Variants in CLEC17A observed in about 807,000 individuals in gnomAD.
The protein encoded by CLEC17A is C-type lectin domain family 17, member A.
A neutral mutation model predicts 61.3 loss-of-function variants in CLEC17A; 37 were observed. The ratio of observed to expected loss-of-function variants is 0.60; its 90% CI spans 0.46 to 0.79. CLEC17A has a LOEUF of 0.79. CLEC17A is among the 30% of genes least tolerant of loss of function. CLEC17A has a pLI of 0.00. For missense variants in CLEC17A, 418 were observed against 464.7 expected (o/e 0.90, Z 0.92); for synonymous variants, 168 against 164.9 (o/e 1.02, Z -0.14).
At chr19:14,593,983 AC>A (rs1298536210) in intron 4 of CLEC17A, among the ~76,000 whole-genome samples, 2,780 of 139,420 alleles carry the variant, frequency 0.02, 101 homozygotes, top group African/African-American at 0.08. Flanking sequence ...AAACAAACAA[AC>A]AAACAAACAA....
Position 14,594,650 on chromosome 19 carries a change from C to G in CLEC17A, c.329C>G (p.Pro110Arg). Residue 110 changes from proline (P) to arginine (R), a missense_variant, in exon 6 of 14, where the codon CCC (proline) becomes CGC (arginine). Coordinates refer to ENST00000417570, the MANE Select transcript of CLEC17A (RefSeq NM_001204118.2). Reference sequence around the variant, plus strand: ...TCCTCAGCAAAGGAAACAGAGAAACCCCCACTTCCTTGCAAGCCCCGGAAC... The same window carrying G: ...TCCTCAGCAAAGGAAACAGAGAAACGCCCACTTCCTTGCAAGCCCCGGAAC... ...PPRAAKETEK[P>R]PLPCKPRNMT... 1 of 1,613,858 alleles carries G rather than the reference C, an allele frequency of 6.2e-7. No individual in the cohort carries two copies. The highest frequency in any genetic ancestry group is 8.5e-7 in the Non-Finnish European group (1 of 1,179,878).
chr19:14,592,671 T>C (rs1568450483), intron 4 of CLEC17A, among the ~76,000 whole-genome samples: 1 of 151,100 alleles, frequency 6.6e-6, no homozygotes, highest in Non-Finnish European at 1.5e-5. Context: ...TCTTTCTTTT[T>C]TTCTTTTTTT....
intron 13 of CLEC17A, 44 bp from the exon 14 acceptor site, chr19:14,610,020 C>T (rs2075010519): frequency 7.0e-7 from 1 of 1,431,150 alleles, no homozygotes; most frequent in African/African-American, 1.4e-5. Flanking sequence ...AGTTTCACCA[C>T]CCTAAAGATC....
At chr19:14,590,139 G>A (rs1455113774) in intron 3 of CLEC17A, among the ~76,000 whole-genome samples, 2 of 145,936 alleles carry the variant, frequency 1.4e-5, no homozygotes, top group African/African-American at 5.1e-5. Flanking sequence ...CTGCGTTTTG[G>A]GGTAATTGGT....
intron 8 of CLEC17A, among the ~76,000 whole-genome samples, chr19:14,596,432 A>T (rs942064468): frequency 1.3e-5 from 2 of 152,080 alleles, no homozygotes; most frequent in African/African-American, 4.8e-5. Context: ...GGAGTTCAAG[A>T]CCATCCTGGA....
At chr19:14,591,075 A>C (rs559101988) in intron 3 of CLEC17A, among the ~76,000 whole-genome samples, 1 of 151,918 alleles carries the variant, frequency 6.6e-6, no homozygotes, top group Non-Finnish European at 1.5e-5. Context: ...TCTTCCACCC[A>C]GGACTTGGTG....
chr19:14,583,046 T>C (rs1599523061), upstream of CLEC17A: 5 of 1,138,420 alleles, frequency 4.4e-6, no homozygotes, highest in East Asian at 1.2e-4. Context: ...TTTGCATGTA[T>C]TTGACTTTGA....
In CLEC17A at chr19:14,611,371, C is replaced by CTTTTTTTTTTTTT. The variant is rs71166767; in HGVS notation, c.*1187_*1199dup. Among the ~76,000 whole-genome samples the CTTTTTTTTTTTTT allele has an allele frequency of 1.3e-5, 1 of 75,972 alleles. No individual in the cohort carries two copies. The highest frequency in any genetic ancestry group is 4.9e-5 in the African/African-American group (1 of 20,556). 49.8% of individuals were successfully genotyped at this position (75,972 alleles called of 152,430 possible). ...AGACTTGGCCCGTGGAACTTCTATC[C>CTTTTTTTTTTTTT]TTTTTTTTTTTTTTTTTTTTTTTTG... On this transcript the variant is annotated 3_prime_UTR_variant, in exon 14 of 14. Coordinates refer to ENST00000417570, the MANE Select transcript of CLEC17A (RefSeq NM_001204118.2).
chr19:14,591,225 G>A (rs1217615235), intron 3 of CLEC17A, among the ~76,000 whole-genome samples: 7 of 151,540 alleles, frequency 4.6e-5, no homozygotes. Flanking sequence ...CGCGATCTCG[G>A]CTCACTGCAA....
chr19:14,586,634 C>A (rs2074287566), intron 2 of CLEC17A, among the ~76,000 whole-genome samples: 1 of 149,872 alleles, frequency 6.7e-6, no homozygotes, highest in Non-Finnish European at 1.5e-5. Context: ...GCTATGTTGC[C>A]CAGGCTGGTC....
chr19:14,594,564 G>C lies in CLEC17A; in HGVS notation c.310+15G>C, dbSNP rs369929625. ...TCCAAGGGCAGGTGAGTTGGGGCTG[G>C]GGGTGTAGGAGACCCAGAGCTGGCT... On this transcript the variant is annotated intron_variant, in intron 5 of 13. Coordinates refer to ENST00000417570, the MANE Select transcript of CLEC17A (RefSeq NM_001204118.2). 1 of 1,611,904 alleles carries C rather than the reference G, an allele frequency of 6.2e-7. No individual in the cohort carries two copies. Among genetic ancestry groups the C allele is most frequent in the East Asian group, 2.2e-5 (1 of 44,714 alleles).
upstream of CLEC17A, chr19:14,583,018 G>T (rs1210001096): frequency 2.6e-6 from 2 of 771,434 alleles, no homozygotes; most frequent in Non-Finnish European, 4.3e-6. Flanking sequence ...AGGTCTGAGG[G>T]CTTCCTGTCA....
Position 14,607,045 on chromosome 19 carries a change from A to G in CLEC17A, c.947A>G (p.Asn316Ser), listed in dbSNP as rs1232554263. The change falls in exon 13 of 14, where the codon AAT (asparagine) becomes AGT (serine). Residue 316 changes from asparagine to serine, a missense_variant. Asn to Ser is a conservative substitution (Grantham distance 46, BLOSUM62 1). Transcript: ENST00000417570. ...CCACGGGTGTACTGGCTGGGGCTGA[A>G]TGACAGGGCCCAGGAAGGGGACTGG... ...GSPRVYWLGLNDRAQEGDWRW... is the reference protein window; with the variant it reads ...GSPRVYWLGLSDRAQEGDWRW... 4 of 1,353,832 alleles carry G rather than the reference A, an allele frequency of 3.0e-6. No homozygotes were observed. Among genetic ancestry groups the G allele is most frequent in the Non-Finnish European group, 3.8e-6 (4 of 1,046,024 alleles). The allele number at this position is 1,353,832 out of a possible 1,614,324, so 83.9% of individuals were successfully genotyped here.
chr19:14,603,702 G>A, intron 12 of CLEC17A, among the ~76,000 whole-genome samples: 1 of 151,960 alleles, frequency 6.6e-6, no homozygotes. Flanking sequence ...ATGATCTCAA[G>A]TGATCTGCTC....
intron 13 of CLEC17A, among the ~76,000 whole-genome samples, chr19:14,608,800 ATT>A (rs71166766): frequency 9.9e-5 from 13 of 131,324 alleles, no homozygotes; most frequent in Non-Finnish European, 8.1e-5. Context: ...TGCCTGGCTA[ATT>A]TTTTTTTTTT....
intron 10 of CLEC17A, 185 bp from the exon 11 acceptor site, chr19:14,599,532 C>T (rs2074649332): frequency 5.9e-6 from 4 of 673,634 alleles, no homozygotes; most frequent in Admixed American, 2.1e-5. Context: ...ATTGATCCCT[C>T]CTCTGAGCCA....
Position 14,610,045 on chromosome 19 carries a change from C to T in CLEC17A, c.1005-19C>T, listed in dbSNP as rs569443282. 5.0e-6 allele frequency: 8 copies of T among 1,599,722 alleles called. No individual in the cohort carries two copies. Among genetic ancestry groups the T allele is most frequent in the Admixed American group, 1.7e-5 (1 of 59,822 alleles). ...CCCTAAAGATCCCTGTCCCTCTGCC[C>T]ACTTTTTCCTCCATCCAGCTTCTGG... On this transcript the variant is annotated intron_variant, in intron 13 of 13. Transcript: ENST00000417570.
chr19:14,599,860 C>T (rs2146718834), intron 11 of CLEC17A, 48 bp downstream of exon 11: 1 of 1,544,964 alleles, frequency 6.5e-7, no homozygotes, highest in East Asian at 2.3e-5. Flanking sequence ...CATGGCAGAG[C>T]TGGCACATTA....
rs763077270 is a variant in CLEC17A, at chr19:14,594,583, G to C, written c.310+34G>C. The C allele has an allele frequency of 1.9e-6, 3 of 1,613,314 alleles. No individual in the cohort carries two copies. In the Admixed American group the frequency reaches 5.0e-5, roughly 27 times the overall value. ...GGGCTGGGGGTGTAGGAGACCCAGA[G>C]CTGGCTTTGCCCTGCTCTGGCCCTG... On this transcript the variant is annotated intron_variant, in intron 5 of 13. Coordinates refer to ENST00000417570, the MANE Select transcript of CLEC17A (RefSeq NM_001204118.2).
Sources: gnomAD v4.1 joint callset for allele counts (sites outside exome capture counted in the v4.1 genomes callset) on GRCh38, gnomAD v4.1.1 for gene constraint, MANE v1.5 for transcripts, NCBI Gene and HGNC (gene_info 2026-07-23, HGNC 2026-07-21) for gene names.